Variants in FRYL observed in about 807,000 individuals in gnomAD.
The protein encoded by FRYL is FRY like transcription coactivator, also known as protein furry homolog-like.
A neutral mutation model predicts 351.2 loss-of-function variants in FRYL; 150 were observed. The observed-to-expected ratio is 0.43, with a 90% CI of 0.37 to 0.49. The LOEUF (loss-of-function observed/expected upper bound fraction) is 0.49. Among genes scored for constraint, FRYL ranks in the 20% least tolerant of loss-of-function variants. FRYL has a pLI of 0.00. For missense variants in FRYL, 3,036 were observed against 3,619.3 expected, an observed-to-expected ratio of 0.84 and a Z score of 4.13; for synonymous variants, 1,153 against 1,257.1, an observed-to-expected ratio of 0.92 and a Z score of 1.75.
intron 34 of FRYL, 148 bp downstream of exon 34, chr4:48,557,305 T>C (rs1355734692): frequency 1.7e-6 from 2 of 1,211,836 alleles, no homozygotes; most frequent in African/African-American, 3.1e-5. Flanking sequence ...ATGGTTTTAG[T>C]AAAAAAAATT....
intron 1 of FRYL, among the ~76,000 whole-genome samples, chr4:48,751,960 T>C (rs923700865): frequency 6.6e-6 from 1 of 152,062 alleles, no homozygotes; most frequent in African/African-American, 2.4e-5. Flanking sequence ...CCTTTGCCAG[T>C]GATTGGTTTA....
At chr4:48,706,552 G>C in intron 2 of FRYL, among the ~76,000 whole-genome samples, 1 of 152,278 alleles carries the variant, frequency 6.6e-6, no homozygotes, top group Middle Eastern at 3.4e-3. Flanking sequence ...AGAAAGTTCT[G>C]GAGATGCATG....
At chr4:48,543,209 C>T (rs1157448409) in intron 44 of FRYL, among the ~76,000 whole-genome samples, 3 of 152,198 alleles carry the variant, frequency 2.0e-5, no homozygotes, top group African/African-American at 7.2e-5. Flanking sequence ...AAATCACCTT[C>T]TCAGATGGAT....
At position 48,620,786 on chromosome 4, in the gene FRYL, C is replaced by T. The variant is rs1398424802; in HGVS notation, c.175-8G>A. 6.2e-7 allele frequency: 1 copy of T among 1,608,550 alleles called. No homozygotes were observed. Among genetic ancestry groups the T allele is most frequent in the Non-Finnish European group, 8.5e-7 (1 of 1,176,136 alleles). ...GCTCATAGAGCTTATCAACTGAAAA[C>T]ACAAGATATTACCAGAAAATAAATT... is the stretch of plus-strand genomic sequence containing the variant. On this transcript the variant is annotated splice_polypyrimidine_tract_variant and splice_region_variant and intron_variant, in intron 5 of 63. Coordinates refer to ENST00000358350, the MANE Select transcript of FRYL (RefSeq NM_015030.2).
At chr4:48,702,019 C>T (rs953281253) in intron 2 of FRYL, among the ~76,000 whole-genome samples, 1 of 152,140 alleles carries the variant, frequency 6.6e-6, no homozygotes, top group African/African-American at 2.4e-5. Flanking sequence ...AGGTTACTCC[C>T]AAAAGTTCTA....
intron 4 of FRYL, among the ~76,000 whole-genome samples, chr4:48,631,787 C>T (rs1753013598): frequency 6.6e-6 from 1 of 151,418 alleles, no homozygotes; most frequent in Non-Finnish European, 1.5e-5. Flanking sequence ...TATAATATGG[C>T]CAGAGGCGGT....
chr4:48,611,945 C>T (rs1281033163), intron 7 of FRYL, among the ~76,000 whole-genome samples: 2 of 151,974 alleles, frequency 1.3e-5, no homozygotes, highest in Admixed American at 6.6e-5. Context: ...TATATTGTTG[C>T]AAAGCAGCAT....
chr4:48,634,556 C>T (rs752469300), intron 3 of FRYL, 66 bp from the exon 4 acceptor site: 36 of 1,252,310 alleles, frequency 2.9e-5, no homozygotes, highest in Non-Finnish European at 4.0e-5. Flanking sequence ...ACCATAACTA[C>T]CCTATTTAAT....
chr4:48,619,860 T>C (rs1337102558), intron 6 of FRYL, among the ~76,000 whole-genome samples: 1 of 152,210 alleles, frequency 6.6e-6, no homozygotes, highest in East Asian at 1.9e-4. Context: ...CCTTTTTATA[T>C]ACGGGGTGTT....
intron 1 of FRYL, among the ~76,000 whole-genome samples, chr4:48,764,541 A>G (rs931210539): frequency 1.4e-5 from 2 of 146,666 alleles, no homozygotes; most frequent in Non-Finnish European, 3.0e-5. Flanking sequence ...AAAAAAAAAG[A>G]AAAGAAAAGA....
At chr4:48,663,927 G>A (rs2149483083) in intron 3 of FRYL, among the ~76,000 whole-genome samples, 1 of 152,264 alleles carries the variant, frequency 6.6e-6, no homozygotes, top group Admixed American at 6.5e-5. Context: ...TGAAGGCAGT[G>A]AAGGGGATAT....
chr4:48,740,734 G>T (rs2149646457), intron 1 of FRYL, among the ~76,000 whole-genome samples: 1 of 152,232 alleles, frequency 6.6e-6, no homozygotes, highest in East Asian at 1.9e-4. Flanking sequence ...TACCCACTTA[G>T]CAGAATGGAT....
At chr4:48,629,357 G>A (rs1176541698) in intron 4 of FRYL, among the ~76,000 whole-genome samples, 1 of 152,174 alleles carries the variant, frequency 6.6e-6, no homozygotes, top group Non-Finnish European at 1.5e-5. Flanking sequence ...GAACAAAAAG[G>A]ATGGGAGAGG....
chr4:48,506,589 A>T (rs1349352620), intron 59 of FRYL: 16 of 125,196 alleles, frequency 1.3e-4, no homozygotes, highest in Admixed American at 1.0e-3. Flanking sequence ...TCTTTTTTTT[A>T]AATTATACTA....
At chr4:48,587,972 A>C (rs190553740) in intron 18 of FRYL, among the ~76,000 whole-genome samples, 212 of 152,366 alleles carry the variant, frequency 1.4e-3, no homozygotes, top group Admixed American at 2.5e-3. Context: ...ACCAGTCCCC[A>C]AAAAGGCAGT....
At chr4:48,651,720 A>G (rs1270351147) in intron 3 of FRYL, among the ~76,000 whole-genome samples, 1 of 152,208 alleles carries the variant, frequency 6.6e-6, no homozygotes, top group Non-Finnish European at 1.5e-5. Flanking sequence ...CATTCCTAGG[A>G]AGAAAGAGCT....
At chr4:48,755,310 A>G (rs1322125881) in intron 1 of FRYL, among the ~76,000 whole-genome samples, 2 of 152,198 alleles carry the variant, frequency 1.3e-5, no homozygotes, top group African/African-American at 2.4e-5. Context: ...AGTTAACCCT[A>G]GAAAATTCAT....
intron 47 of FRYL, among the ~76,000 whole-genome samples, chr4:48,538,643 T>C (rs1232311920): frequency 6.6e-6 from 1 of 151,990 alleles, no homozygotes; most frequent in Non-Finnish European, 1.5e-5. Context: ...TCCCAGCTTT[T>C]AAAAAAAATT....
At chr4:48,717,933 C>T (rs75628550) in intron 1 of FRYL, among the ~76,000 whole-genome samples, 9,077 of 151,622 alleles carry the variant, frequency 0.06, 599 homozygotes, top group Non-Finnish European at 0.092. Flanking sequence ...TCTATAACTT[C>T]CTAACTACTA....
Sources: gnomAD v4.1 joint callset for allele counts (sites outside exome capture counted in the v4.1 genomes callset) on GRCh38, gnomAD v4.1.1 for gene constraint, MANE v1.5 for transcripts, NCBI Gene and HGNC (gene_info 2026-07-23, HGNC 2026-07-21) for gene names.